Variants in SLC44A5 observed in about 807,000 individuals in gnomAD.
The protein encoded by SLC44A5 is solute carrier family 44 member 5.
A neutral mutation model predicts 101.8 loss-of-function variants in SLC44A5; 57 were observed. The ratio of observed to expected loss-of-function variants is 0.56; its 90% CI spans 0.45 to 0.70. SLC44A5 has a LOEUF of 0.70. Ranked by LOEUF, SLC44A5 falls within the 30% of genes least tolerant of loss-of-function variation. The probability of loss-of-function intolerance (pLI) is 0.00; values close to 1 mark genes in which losing one functional copy is unlikely to be tolerated. For synonymous variants in SLC44A5, 281 were observed against 290.9 expected, an observed-to-expected ratio of 0.97 and a Z score of 0.35; for missense variants, 737 against 853.1, an observed-to-expected ratio of 0.86 and a Z score of 1.70.
intron 1 of SLC44A5, among the ~76,000 whole-genome samples, chr1:75,557,879 A>T (rs926577185): frequency 6.6e-6 from 1 of 152,132 alleles, no homozygotes; most frequent in African/African-American, 2.4e-5. Context: ...GTTTTTGGTC[A>T]GTGAGTTGAA....
chr1:75,483,652 G>C (rs886401409), intron 2 of SLC44A5, among the ~76,000 whole-genome samples: 54 of 152,188 alleles, frequency 3.5e-4, no homozygotes, highest in African/African-American at 1.3e-3. Context: ...TTCAAAAAAT[G>C]TTAATTATGT....
intron 3 of SLC44A5, among the ~76,000 whole-genome samples, chr1:75,370,985 G>C (rs1345539179): frequency 1.3e-5 from 2 of 152,142 alleles, no homozygotes; most frequent in East Asian, 3.9e-4. Context: ...TTAAGAAAGA[G>C]GAGTGAGGAG....
intron 2 of SLC44A5, among the ~76,000 whole-genome samples, chr1:75,428,185 G>C (rs1163199149): frequency 6.6e-6 from 1 of 152,176 alleles, no homozygotes; most frequent in Admixed American, 6.5e-5. Context: ...CATTTTGGGG[G>C]AGTGTTGTTA....
intron 3 of SLC44A5, among the ~76,000 whole-genome samples, chr1:75,390,324 C>T (rs961224129): frequency 6.6e-6 from 1 of 150,552 alleles, no homozygotes; most frequent in Non-Finnish European, 1.5e-5. Flanking sequence ...CAGCATCATT[C>T]TGATACCAAA....
At chr1:75,685,191 A>C in the SLC44A5 span, among the ~76,000 whole-genome samples, 2 of 152,122 alleles carry the variant, frequency 1.3e-5, no homozygotes, top group Non-Finnish European at 2.9e-5. Context: ...CAAAGCCACA[A>C]AGCACTGGGC....
chr1:75,320,209 A>G (rs553084609), intron 4 of SLC44A5, among the ~76,000 whole-genome samples: 1 of 152,268 alleles, frequency 6.6e-6, no homozygotes, highest in Admixed American at 6.5e-5. Flanking sequence ...CCTCAAAGAA[A>G]ACCAGATCTT....
At chr1:75,598,063 G>T (rs2102137001) in intron 1 of SLC44A5, among the ~76,000 whole-genome samples, 1 of 151,858 alleles carries the variant, frequency 6.6e-6, no homozygotes, top group East Asian at 1.9e-4. Flanking sequence ...CTAATATCCA[G>T]CATCTATAAG....
chr1:75,589,554 A>G (rs1423765268), intron 1 of SLC44A5, among the ~76,000 whole-genome samples: 1 of 151,876 alleles, frequency 6.6e-6, no homozygotes, highest in Non-Finnish European at 1.5e-5. Context: ...ATATCCAATT[A>G]ACAACTATCT....
intron 4 of SLC44A5, among the ~76,000 whole-genome samples, chr1:75,305,216 TA>T (rs1448688481): frequency 6.6e-6 from 1 of 152,214 alleles, no homozygotes; most frequent in African/African-American, 2.4e-5. Flanking sequence ...GCTTATCTTT[TA>T]TATTCAATTG....
At chr1:75,471,078 T>C (rs535804008) in intron 2 of SLC44A5, among the ~76,000 whole-genome samples, 2 of 152,336 alleles carry the variant, frequency 1.3e-5, no homozygotes, top group African/African-American at 4.8e-5. Flanking sequence ...CAGACAAATT[T>C]ATTCCCTGGA....
At chr1:75,619,227 A>T in the SLC44A5 span, among the ~76,000 whole-genome samples, 1 of 149,516 alleles carries the variant, frequency 6.7e-6, no homozygotes, top group South Asian at 2.2e-4. Flanking sequence ...GACGGAGAGC[A>T]GGAGGGAGGG....
chr1:75,621,508 T>G, the SLC44A5 span, among the ~76,000 whole-genome samples: 1 of 152,154 alleles, frequency 6.6e-6, no homozygotes, highest in Non-Finnish European at 1.5e-5. Context: ...CATGAATGTA[T>G]GTTAGTGCAA....
chr1:75,376,549 G>A (rs1660629738), intron 3 of SLC44A5, among the ~76,000 whole-genome samples: 1 of 152,160 alleles, frequency 6.6e-6, no homozygotes, highest in African/African-American at 2.4e-5. Context: ...CTAACTGGGA[G>A]GCACCCCCCA....
rs75509841 is a variant in SLC44A5 at position 75,345,420 on chromosome 1, G to A, written c.53-5790C>T. 6.8e-3 allele frequency among the ~76,000 whole-genome samples: 1,041 copies of A among 151,984 alleles called. 18 individuals carry two copies. Among genetic ancestry groups the A allele is most frequent in the African/African-American group, 0.023 (970 of 41,468 alleles). Reference sequence around the variant, plus strand: ...TCCATAAAATGATAGATAATGGAGGGAAAAAAAGTTGGGAAACAATTTCTA... The same window carrying A: ...TCCATAAAATGATAGATAATGGAGGAAAAAAAAGTTGGGAAACAATTTCTA... On this transcript the variant is annotated intron_variant, in intron 3 of 23. Coordinates refer to ENST00000370859, the MANE Select transcript of SLC44A5 (RefSeq NM_001130058.2).
intron 4 of SLC44A5, among the ~76,000 whole-genome samples, chr1:75,321,930 C>G (rs909191711): frequency 3.3e-5 from 5 of 152,174 alleles, no homozygotes; most frequent in Admixed American, 1.3e-4. Context: ...CATTGATGAA[C>G]TTCCATGGGA....
intron 2 of SLC44A5, among the ~76,000 whole-genome samples, chr1:75,505,599 G>T (rs1262386680): frequency 6.6e-6 from 1 of 152,112 alleles, no homozygotes; most frequent in Non-Finnish European, 1.5e-5. Flanking sequence ...TGCCTCTGAT[G>T]ATTAACGGTA....
At chr1:75,495,238 G>T (rs972361382) in intron 2 of SLC44A5, among the ~76,000 whole-genome samples, 5 of 152,104 alleles carry the variant, frequency 3.3e-5, no homozygotes, top group African/African-American at 1.2e-4. Flanking sequence ...GGTGGATCAT[G>T]AGGTCAGGAG....
At chr1:75,688,645 C>T in the SLC44A5 span, among the ~76,000 whole-genome samples, 3 of 152,198 alleles carry the variant, frequency 2.0e-5, no homozygotes, top group South Asian at 4.1e-4. Flanking sequence ...GGGCTGTGAA[C>T]ACCTGAGCAA....
chr1:75,674,996 C>T, the SLC44A5 span, among the ~76,000 whole-genome samples: 3 of 152,156 alleles, frequency 2.0e-5, no homozygotes, highest in Admixed American at 2.0e-4. Flanking sequence ...TAGTACCATG[C>T]TCTTTGGTTA....
Sources: allele counts gnomAD v4.1 joint callset (sites outside exome capture counted in the v4.1 genomes callset), GRCh38; gene constraint gnomAD v4.1.1; transcripts MANE v1.5; gene names NCBI Gene and HGNC (gene_info 2026-07-23, HGNC 2026-07-21).